CSRP3: variants seen among roughly 807,000 people sequenced by gnomAD.
CSRP3 encodes cysteine and glycine rich protein 3.
In CSRP3, 24 loss-of-function variants were observed where a neutral mutation model predicts 24.3. The observed-to-expected ratio is 0.99, with a 90% confidence interval of 0.71 to 1.39. CSRP3 has a LOEUF of 1.39. Among genes scored for constraint, CSRP3 ranks in the 40% most tolerant of loss-of-function variants. CSRP3 has a pLI of 0.00. For missense variants in CSRP3, 240 were observed against 249.0 expected (o/e 0.96, Z 0.24); for synonymous variants, 105 against 94.0 (o/e 1.12, Z -0.68).
Position 19,192,348 on chromosome 11 carries a change from C to T in CSRP3, c.101G>A (p.Cys34Tyr). 2.5e-6 allele frequency: 4 copies of T among 1,613,848 alleles called. No homozygotes were observed. The highest frequency in any genetic ancestry group is 3.4e-6 in the Non-Finnish European group (4 of 1,179,706). The change falls in exon 2 of 6, where the codon TGT (cysteine) becomes TAT (tyrosine). Residue 34 changes from cysteine (C) to tyrosine (Y), a missense_variant. Physicochemically the swap from Cys to Tyr is radical, Grantham distance 194. Coordinates refer to ENST00000265968, the MANE Select transcript of CSRP3 (RefSeq NM_003476.5). ...QCNGRSFHKT[C>Y]FHCMACRKAL... ...TCCACCCAACTCACTGCAGTGGAAA[C>T]ACGTCTTGTGGAAACTCCTTCCATT...
At chr11:19,195,261 C>T (rs569653981) in intron 1 of CSRP3, among the ~76,000 whole-genome samples, 1 of 152,040 alleles carries the variant, frequency 6.6e-6, no homozygotes, top group Non-Finnish European at 1.5e-5. Flanking sequence ...TTATTTTGGA[C>T]TCCATTTAAA....
At chr11:19,201,683 T>C (rs1336683042) in intron 1 of CSRP3, among the ~76,000 whole-genome samples, 2 of 152,218 alleles carry the variant, frequency 1.3e-5, no homozygotes, top group Admixed American at 6.5e-5. Flanking sequence ...ACCACGTAAG[T>C]AGTTTTATAA....
rs531722178 is a variant in CSRP3 at position 19,182,661 on chromosome 11, C to T, written c.*9G>A. On this transcript the variant is annotated 3_prime_UTR_variant, in exon 6 of 6. Coordinates refer to ENST00000265968, the MANE Select transcript of CSRP3 (RefSeq NM_003476.5). The stretch of plus-strand genomic sequence containing the variant: ...GGCTCGCAAAAAATCTGAGAAACGG[C>T]GCACCTCTTCATTCTTTCTTTTCCA... The T allele has an allele frequency of 4.5e-5, 72 of 1,613,246 alleles. No homozygotes were observed. Among genetic ancestry groups the T allele is most frequent in the Non-Finnish European group, 5.6e-5 (66 of 1,179,240 alleles).
chr11:19,187,711 G>C (rs141618757), intron 3 of CSRP3, among the ~76,000 whole-genome samples: 10 of 152,304 alleles, frequency 6.6e-5, no homozygotes, highest in Non-Finnish European at 1.2e-4. Context: ...CCATGTGGAC[G>C]TTTGTCATCT....
At chr11:19,184,139 T>C (rs1447964149) in intron 5 of CSRP3, among the ~76,000 whole-genome samples, 1 of 152,238 alleles carries the variant, frequency 6.6e-6, no homozygotes, top group African/African-American at 2.4e-5. Flanking sequence ...AGTACAGTTA[T>C]GACTTATAAA....
At chr11:19,197,822 CAT>C (rs5790061) in intron 1 of CSRP3, among the ~76,000 whole-genome samples, 10,795 of 150,610 alleles carry the variant, frequency 0.072, 580 homozygotes, top group African/African-American at 0.15. Context: ...ATCATAGGAA[CAT>C]ATATATATAT....
At chr11:19,185,165 T>A in intron 4 of CSRP3, 120 bp from the exon 5 acceptor site, 1 of 764,470 alleles carries the variant, frequency 1.3e-6, no homozygotes, top group Non-Finnish European at 2.3e-6. Flanking sequence ...GCTTACCTAA[T>A]GGGCCCCATA....
At chr11:19,190,539 A>T (rs1193600537) in intron 2 of CSRP3, among the ~76,000 whole-genome samples, 4 of 152,272 alleles carry the variant, frequency 2.6e-5, no homozygotes, top group Admixed American at 2.6e-4. Flanking sequence ...AACTATGGTT[A>T]CTAGAACATT....
chr11:19,190,482 T>C (rs184515787), intron 2 of CSRP3, among the ~76,000 whole-genome samples: 11 of 152,378 alleles, frequency 7.2e-5, no homozygotes, highest in Admixed American at 7.2e-4. Context: ...TTGAGTTAAA[T>C]AAAATGTTTT....
At chr11:19,183,152 C>T (rs1280720243) in intron 5 of CSRP3, among the ~76,000 whole-genome samples, 4 of 98,836 alleles carry the variant, frequency 4.0e-5, no homozygotes, top group East Asian at 2.6e-4. Flanking sequence ...AGCAAGACTC[C>T]GTCTCAAGAA....
chr11:19,183,377 C>T (rs997356789), intron 5 of CSRP3, among the ~76,000 whole-genome samples: 27 of 152,132 alleles, frequency 1.8e-4, no homozygotes, highest in African/African-American at 6.0e-4. Flanking sequence ...CACAGAACCA[C>T]TTGCAGTACC....
At chr11:19,191,407 G>C (rs1191151044) in intron 2 of CSRP3, among the ~76,000 whole-genome samples, 1 of 152,150 alleles carries the variant, frequency 6.6e-6, no homozygotes, top group Non-Finnish European at 1.5e-5. Flanking sequence ...GACTAGTCGG[G>C]GAGGGGGCTC....
In CSRP3 at chr11:19,189,286, A is replaced by G. The variant is rs558134828; in HGVS notation, c.113-982T>C. Among the ~76,000 whole-genome samples, 8 of 152,308 alleles carry G rather than the reference A, an allele frequency of 5.3e-5. No individual in the cohort carries two copies. The East Asian group carries it at 1.5e-3, about 29-fold the overall frequency. ...CAGCCCTGTTTTATACCTGAGTAGG[A>G]GGTTGTCACCTAGAAATTGCATCTC... is the stretch of plus-strand genomic sequence containing the variant. On this transcript the variant is annotated intron_variant, in intron 2 of 5. Coordinates refer to ENST00000265968, the MANE Select transcript of CSRP3 (RefSeq NM_003476.5).
At chr11:19,200,114 G>A (rs372736094) in intron 1 of CSRP3, among the ~76,000 whole-genome samples, 14 of 152,126 alleles carry the variant, frequency 9.2e-5, no homozygotes, top group African/African-American at 3.4e-4. Context: ...AACCCACTGG[G>A]TTTGGCTGTA....
Position 19,186,303 on chromosome 11 carries a change from T to G in CSRP3, c.327A>C (p.Lys109Asn). The G allele has an allele frequency of 6.2e-7, 1 of 1,614,140 alleles. No individual in the cohort carries two copies. The highest frequency in any genetic ancestry group is 8.5e-7 in the Non-Finnish European group (1 of 1,180,026). The part of the protein sequence containing the change: ...ARSVTTSNPS[K>N]FTAKFGESEK... ...CGGACTCTCCAAACTTCGCAGTGAATTTGGAAGGGTTGCTGGTGGTAACTG... is the reference window on the plus strand; with the variant it reads ...CGGACTCTCCAAACTTCGCAGTGAAGTTGGAAGGGTTGCTGGTGGTAACTG... The change falls in exon 4 of 6, where the codon AAA becomes AAC. Residue 109 changes from lysine to asparagine, a missense_variant. By Grantham distance (94) the Lys-to-Asn change is moderately conservative. Transcript: ENST00000265968.
chr11:19,192,146 T>C (rs1311565279), intron 2 of CSRP3, among the ~76,000 whole-genome samples, 191 bp downstream of exon 2: 1 of 152,088 alleles, frequency 6.6e-6, no homozygotes, highest in East Asian at 1.9e-4. Flanking sequence ...AGCAAGGGTA[T>C]TCAGGAGAGC....
intron 1 of CSRP3, 139 bp from the exon 2 acceptor site, chr11:19,192,615 G>A (rs1013783465): frequency 8.8e-6 from 6 of 683,612 alleles, no homozygotes; most frequent in African/African-American, 1.8e-5. Context: ...TTAGCAAACA[G>A]CTACTGTGTG....
intron 1 of CSRP3, among the ~76,000 whole-genome samples, chr11:19,200,127 C>A (rs921190437): frequency 2.6e-5 from 4 of 152,190 alleles, no homozygotes; most frequent in Non-Finnish European, 5.9e-5. Flanking sequence ...TGGCTGTATG[C>A]CTTTTCTCAA....
chr11:19,195,161 G>A (rs1850678417), intron 1 of CSRP3, among the ~76,000 whole-genome samples: 1 of 151,802 alleles, frequency 6.6e-6, no homozygotes, highest in Non-Finnish European at 1.5e-5. Context: ...AGAAAAGTGG[G>A]AAGGAATAAT....
Sources: allele counts gnomAD v4.1 joint callset (sites outside exome capture counted in the v4.1 genomes callset), GRCh38; gene constraint gnomAD v4.1.1; transcripts MANE v1.5; gene names NCBI Gene and HGNC (gene_info 2026-07-23, HGNC 2026-07-21).